The following CNTN5 variants were observed in gnomAD, a reference collection of about 807,000 sequenced individuals.
CNTN5 encodes contactin 5.
Under a neutral mutation model 129.1 loss-of-function variants are expected in CNTN5, and 77 were observed. The observed-to-expected ratio is 0.60, with a 90% CI of 0.50 to 0.72. CNTN5 has a LOEUF of 0.72. Ranked by LOEUF, CNTN5 falls within the 30% of genes least tolerant of loss-of-function variation. CNTN5 has a pLI of 0.00. For synonymous variants in CNTN5, 509 were observed against 465.6 expected, an observed-to-expected ratio of 1.09 and a Z score of -1.20; for missense variants, 1,478 against 1,328.8, an observed-to-expected ratio of 1.11 and a Z score of -1.75.
At chr11:99,034,893 T>C (rs1863628117) in intron 1 of CNTN5, among the ~76,000 whole-genome samples, 1 of 150,922 alleles carries the variant, frequency 6.6e-6, no homozygotes, top group African/African-American at 2.4e-5. Flanking sequence ...TCCTGCTTTC[T>C]CTTGTGGGCA....
chr11:99,592,563 A>G (rs2135671882), intron 3 of CNTN5, among the ~76,000 whole-genome samples: 2 of 152,304 alleles, frequency 1.3e-5, no homozygotes, highest in African/African-American at 4.8e-5. Context: ...AACAGAGGTC[A>G]AGAACTGGAC....
chr11:99,590,799 C>A (rs1565328239), intron 3 of CNTN5, among the ~76,000 whole-genome samples: 1 of 152,118 alleles, frequency 6.6e-6, no homozygotes, highest in Non-Finnish European at 1.5e-5. Flanking sequence ...TCATCTTGAC[C>A]ATGCTAGGGT....
At chr11:99,387,678 A>G (rs1940996797) in intron 2 of CNTN5, among the ~76,000 whole-genome samples, 1 of 152,008 alleles carries the variant, frequency 6.6e-6, no homozygotes, top group South Asian at 2.1e-4. Flanking sequence ...CCTGCTACTC[A>G]GTTGCTGAGC....
chr11:99,299,836 A>G (rs577192270), intron 1 of CNTN5, among the ~76,000 whole-genome samples: 21 of 152,186 alleles, frequency 1.4e-4, no homozygotes, highest in African/African-American at 5.1e-4. Context: ...CTGCTATTTG[A>G]AATAGTGCTG....
intron 1 of CNTN5, among the ~76,000 whole-genome samples, chr11:99,241,623 G>A (rs564610528): frequency 2.0e-5 from 3 of 151,928 alleles, no homozygotes; most frequent in African/African-American, 4.8e-5. Context: ...TTGGCTGTCC[G>A]TTTTTAAAAT....
At chr11:99,909,818 G>T (rs891438776) in intron 6 of CNTN5, among the ~76,000 whole-genome samples, 2 of 152,076 alleles carry the variant, frequency 1.3e-5, no homozygotes, top group South Asian at 2.1e-4. Flanking sequence ...TTGTGGGGTG[G>T]GGGGAGAGGG....
chr11:99,149,491 A>G (rs1859943773), intron 1 of CNTN5, among the ~76,000 whole-genome samples: 1 of 152,048 alleles, frequency 6.6e-6, no homozygotes, highest in Non-Finnish European at 1.5e-5. Context: ...AGAATACTAG[A>G]TGTATAAAAT....
intron 3 of CNTN5, among the ~76,000 whole-genome samples, chr11:99,736,483 G>A (rs2135131260): frequency 6.6e-6 from 1 of 152,278 alleles, no homozygotes; most frequent in African/African-American, 2.4e-5. Context: ...CTCCAGTCAA[G>A]GCCTCAAAAT....
At chr11:99,219,267 A>T (rs7128274) in intron 1 of CNTN5, among the ~76,000 whole-genome samples, 110,870 of 151,758 alleles carry the variant, frequency 0.73, 40,863 homozygotes, top group East Asian at 0.99. Flanking sequence ...TACATACTAA[A>T]TATTAAATAG....
chr11:99,244,280 G>A (rs950325860), intron 1 of CNTN5, among the ~76,000 whole-genome samples: 3 of 152,120 alleles, frequency 2.0e-5, no homozygotes, highest in Admixed American at 2.0e-4. Flanking sequence ...GTATAGAAAT[G>A]CTGCTGATTT....
At position 100,357,072 on chromosome 11, in the gene CNTN5, G is replaced by A. The variant is rs534966172; in HGVS notation, c.*852G>A. 7.2e-5 allele frequency: 11 copies of A among 151,790 alleles called. No individual in the cohort carries two copies. The highest frequency in any genetic ancestry group is 1.9e-4 in the East Asian group (1 of 5,162). The allele number at this position is 151,790 out of a possible 1,614,324, so 9.4% of individuals were successfully genotyped here. Reference sequence around the variant, plus strand: ...AAATGAGATGAATATGGGACAGAGCGTTTCCATTTCTTTACCTACTGCCAA... The same window carrying A: ...AAATGAGATGAATATGGGACAGAGCATTTCCATTTCTTTACCTACTGCCAA... On this transcript the variant is annotated 3_prime_UTR_variant, in exon 25 of 25. Coordinates refer to ENST00000524871, the MANE Select transcript of CNTN5 (RefSeq NM_014361.4).
In CNTN5 at chr11:100,027,034, T is replaced by C. The variant is rs117420142; in HGVS notation, c.980+24898T>C. Among the ~76,000 whole-genome samples the C allele has an allele frequency of 8.1e-3, 1,238 of 152,238 alleles. 7 individuals carry two copies. The highest frequency in any genetic ancestry group is 0.013 in the Non-Finnish European group (863 of 67,988). ...GATTTGGATTTAAAAAAAAAATCTCTTCCATAGTTGTACTTAACATGTTAA... is the reference window on the plus strand; with the variant it reads ...GATTTGGATTTAAAAAAAAAATCTCCTCCATAGTTGTACTTAACATGTTAA... On this transcript the variant is annotated intron_variant, in intron 9 of 24. Coordinates refer to ENST00000524871, the MANE Select transcript of CNTN5 (RefSeq NM_014361.4).
At chr11:99,466,031 G>A (rs1213389858) in intron 2 of CNTN5, among the ~76,000 whole-genome samples, 3 of 151,984 alleles carry the variant, frequency 2.0e-5, no homozygotes, top group African/African-American at 4.8e-5. Context: ...ACAGGTGTCC[G>A]CCACCATGCC....
At chr11:99,025,091 CT>C (rs2135063264) in intron 1 of CNTN5, among the ~76,000 whole-genome samples, 1 of 151,926 alleles carries the variant, frequency 6.6e-6, no homozygotes, top group East Asian at 1.9e-4. Context: ...CACAAATGAC[CT>C]TCTCATAACA....
chr11:100,021,934 AG>A (rs756086318), intron 9 of CNTN5, among the ~76,000 whole-genome samples: 1 of 152,294 alleles, frequency 6.6e-6, no homozygotes, highest in Non-Finnish European at 1.5e-5. Flanking sequence ...CACAGGAGAA[AG>A]ATGAAGGTTG....
At chr11:99,968,656 C>CTCTTTTTTTTTTTTTTTTTTTTTTTT (rs1951161575) in intron 8 of CNTN5, among the ~76,000 whole-genome samples, 1 of 73,870 alleles carries the variant, frequency 1.4e-5, no homozygotes, top group African/African-American at 4.8e-5. Context: ...GCTTTGGGTA[C>CTCTTTTTTTTTTTTTTTTTTTTTTTT]TTTTTTTTTT....
chr11:99,574,215 T>C (rs2135586457), intron 3 of CNTN5, among the ~76,000 whole-genome samples: 1 of 152,292 alleles, frequency 6.6e-6, no homozygotes, highest in East Asian at 1.9e-4. Context: ...TTCATCCATG[T>C]CCCTGCAAAG....
intron 13 of CNTN5, 77 bp downstream of exon 13, chr11:100,074,371 GA>G (rs1944044283): frequency 2.4e-6 from 3 of 1,228,386 alleles, no homozygotes; most frequent in Non-Finnish European, 3.5e-6. Context: ...AACTATGCAA[GA>G]AAGAGTCTTG....
intron 6 of CNTN5, among the ~76,000 whole-genome samples, chr11:99,900,936 A>G (rs1209211379): frequency 2.0e-5 from 3 of 152,108 alleles, no homozygotes; most frequent in Non-Finnish European, 4.4e-5. Flanking sequence ...CTTTATGGTC[A>G]AAAGATCTCT....
Sources: gnomAD v4.1 joint callset for allele counts (sites outside exome capture counted in the v4.1 genomes callset) on GRCh38, gnomAD v4.1.1 for gene constraint, MANE v1.5 for transcripts, NCBI Gene and HGNC (gene_info 2026-07-23, HGNC 2026-07-21) for gene names.